The following UGGT2 variants were observed in gnomAD, a reference collection of about 807,000 sequenced individuals.
UGGT2 encodes UDP-glucose:glycoprotein glucosyltransferase 2.
In UGGT2, 180 loss-of-function variants were observed where a neutral mutation model predicts 192.1. The ratio of observed to expected loss-of-function variants is 0.94; its 90% CI spans 0.83 to 1.06. UGGT2 has a LOEUF of 1.06. UGGT2 is among the 50% of genes least tolerant of loss of function. The pLI is 0.00. For synonymous variants in UGGT2, 580 were observed against 591.0 expected, an observed-to-expected ratio of 0.98 and a Z score of 0.27; for missense variants, 1,849 against 1,795.7, an observed-to-expected ratio of 1.03 and a Z score of -0.54.
At chr13:96,026,503 C>T (rs867822930) in intron 2 of UGGT2, among the ~76,000 whole-genome samples, 5 of 151,888 alleles carry the variant, frequency 3.3e-5, no homozygotes, top group Non-Finnish European at 5.9e-5. Flanking sequence ...TTCAACTGTA[C>T]ATTTCTACTC....
intron 36 of UGGT2, among the ~76,000 whole-genome samples, chr13:95,846,904 T>G (rs910799898): frequency 6.6e-6 from 1 of 152,070 alleles, no homozygotes; most frequent in East Asian, 1.9e-4. Flanking sequence ...TGTGCTGTCA[T>G]GTCTCACATT....
rs572823999 is a variant in UGGT2 at position 95,804,264 on chromosome 13, A to C, written c.4529-2452T>G. Among the ~76,000 whole-genome samples the C allele has an allele frequency of 3.3e-5, 5 of 152,332 alleles. No individual in the cohort carries two copies. In the East Asian group the frequency reaches 7.7e-4, roughly 23 times the overall value. On this transcript the variant is annotated intron_variant, in intron 38 of 38. Coordinates refer to ENST00000376747, the MANE Select transcript of UGGT2 (RefSeq NM_020121.4). ...ATAAACCTAATCTAGGAGGTGATACATGTGTATACTGAAAATAACAAAAAA... is the reference window on the plus strand; with the variant it reads ...ATAAACCTAATCTAGGAGGTGATACCTGTGTATACTGAAAATAACAAAAAA...
At chr13:96,019,604 C>T (rs2052454899) in intron 4 of UGGT2, among the ~76,000 whole-genome samples, 1 of 152,134 alleles carries the variant, frequency 6.6e-6, no homozygotes, top group Admixed American at 6.5e-5. Flanking sequence ...ATATGTACAT[C>T]TAAAGGAGTA....
At chr13:95,868,270 C>T (rs1890863658) in intron 29 of UGGT2, among the ~76,000 whole-genome samples, 1 of 152,086 alleles carries the variant, frequency 6.6e-6, no homozygotes, top group Non-Finnish European at 1.5e-5. Context: ...ACCAATGTAG[C>T]AGGCAGAACT....
intron 20 of UGGT2, among the ~76,000 whole-genome samples, chr13:95,923,203 C>CA (rs992016199): frequency 6.6e-6 from 1 of 152,022 alleles, no homozygotes; most frequent in African/African-American, 2.4e-5. Context: ...AGGCGTGCAT[C>CA]ACCACACCTG....
intron 1 of UGGT2, among the ~76,000 whole-genome samples, chr13:96,037,504 T>G (rs1397460076): frequency 1.3e-5 from 2 of 152,186 alleles, no homozygotes; most frequent in Non-Finnish European, 2.9e-5. Flanking sequence ...GCCGCAAATT[T>G]TATTATACTA....
chr13:96,001,604 A>G (rs9634486), intron 5 of UGGT2, among the ~76,000 whole-genome samples: 8,333 of 152,284 alleles, frequency 0.055, 345 homozygotes, highest in East Asian at 0.19. Flanking sequence ...ATAGCTCCCC[A>G]GGGGCATGTT....
intron 6 of UGGT2, among the ~76,000 whole-genome samples, chr13:95,997,995 T>A (rs1164890150): frequency 2.0e-5 from 3 of 152,196 alleles, no homozygotes; most frequent in African/African-American, 7.2e-5. Flanking sequence ...ATTTTCAACA[T>A]CAGAAGTTCA....
chr13:95,829,535 G>A (rs1424005315), intron 38 of UGGT2, among the ~76,000 whole-genome samples: 2 of 152,026 alleles, frequency 1.3e-5, no homozygotes, highest in African/African-American at 4.8e-5. Flanking sequence ...AACAGACAAA[G>A]AGAGAGCCAA....
intron 20 of UGGT2, among the ~76,000 whole-genome samples, chr13:95,905,937 A>G (rs1301467626): frequency 6.6e-6 from 1 of 152,176 alleles, no homozygotes; most frequent in East Asian, 1.9e-4. Context: ...ACTGTTCCAT[A>G]AAGCCAACTT....
At chr13:96,013,594 G>T in intron 4 of UGGT2, 113 bp from the exon 5 acceptor site, 1 of 699,450 alleles carries the variant, frequency 1.4e-6, no homozygotes, top group Non-Finnish European at 2.0e-6. Context: ...CACAGAAAAA[G>T]AATTTAAATT....
chr13:95,894,231 T>C (rs2047884402), intron 24 of UGGT2, among the ~76,000 whole-genome samples: 1 of 152,148 alleles, frequency 6.6e-6, no homozygotes. Flanking sequence ...ACTTTACACA[T>C]TGAAAATATA....
chr13:95,837,049 T>C (rs1047434624), intron 37 of UGGT2, 37 bp downstream of exon 37: 2 of 1,411,226 alleles, frequency 1.4e-6, no homozygotes, highest in Non-Finnish European at 2.0e-6. Context: ...AACATTTCTG[T>C]ATCTGCTTAC....
intron 5 of UGGT2, among the ~76,000 whole-genome samples, chr13:96,007,649 C>T (rs956249671): frequency 6.6e-6 from 1 of 151,966 alleles, no homozygotes. Context: ...TATTTATATA[C>T]ACAAATAGCA....
chr13:95,924,393 C>CTTTTTTTTTTTTTTTTTTTTTTTTTTTT (rs59757283), intron 20 of UGGT2, among the ~76,000 whole-genome samples: 23 of 63,360 alleles, frequency 3.6e-4, no homozygotes, highest in South Asian at 7.1e-4. Context: ...TCCCAAACAG[C>CTTTTTTTTTTTTTTTTTTTTTTTTTTTT]TTTTTTTTTT....
chr13:95,940,682 T>C (rs1029830977), intron 15 of UGGT2, among the ~76,000 whole-genome samples: 21 of 150,918 alleles, frequency 1.4e-4, no homozygotes, highest in African/African-American at 5.1e-4. Context: ...ATCGAATTCC[T>C]GGGCTCAAGC....
At chr13:95,934,496 A>G (rs1419124281) in intron 17 of UGGT2, among the ~76,000 whole-genome samples, 2 of 152,180 alleles carry the variant, frequency 1.3e-5, no homozygotes, top group African/African-American at 4.8e-5. Flanking sequence ...TAAGAACTTC[A>G]TGACAGGCTC....
At chr13:95,841,819 G>T (rs2139950502) in intron 36 of UGGT2, among the ~76,000 whole-genome samples, 2 of 152,230 alleles carry the variant, frequency 1.3e-5, no homozygotes, top group South Asian at 4.1e-4. Context: ...TACGGTTTTA[G>T]TTCTTACATT....
chr13:95,980,141 G>A (rs2051070941), intron 10 of UGGT2, among the ~76,000 whole-genome samples: 1 of 152,152 alleles, frequency 6.6e-6, no homozygotes, highest in South Asian at 2.1e-4. Context: ...CTAGGTAACT[G>A]CCCAGAGGGG....
Sources: allele counts gnomAD v4.1 joint callset (sites outside exome capture counted in the v4.1 genomes callset), GRCh38; gene constraint gnomAD v4.1.1; transcripts MANE v1.5; gene names NCBI Gene and HGNC (gene_info 2026-07-23, HGNC 2026-07-21).